Variants in DMD observed in about 807,000 individuals in gnomAD.
The protein encoded by DMD is mutant dystrophin.
DMD carries 63 observed loss-of-function variants against 330.1 expected under a neutral mutation model. The observed-to-expected ratio is 0.19, with a 90% CI of 0.16 to 0.24. DMD has a LOEUF of 0.24. DMD is among the 10% of genes least tolerant of loss of function. DMD has a pLI of 1.00. For synonymous variants in DMD, 1,223 were observed against 959.8 expected (o/e 1.27, Z -5.07); for missense variants, 3,344 against 2,684.1 (o/e 1.25, Z -5.43).
chrX:31,266,078 CTT>C (rs1190077918), intron 62 of DMD, among the ~76,000 whole-genome samples: 2 of 95,826 alleles, frequency 2.1e-5, no homozygotes, highest in African/African-American at 7.8e-5. Flanking sequence ...GAGTGACAAA[CTT>C]TGCTTGAAGA....
intron 66 of DMD, among the ~76,000 whole-genome samples, chrX:31,204,616 TTTGTTG>T (rs1237743086): frequency 9.0e-6 from 1 of 111,187 alleles, no homozygotes; most frequent in South Asian, 3.8e-4. Flanking sequence ...CTGTGCATAG[TTTGTTG>T]TTGTTGTTGT....
chrX:32,762,495 AATG>A (rs768064519), intron 7 of DMD, among the ~76,000 whole-genome samples: 2 of 111,457 alleles, frequency 1.8e-5, no homozygotes, highest in Admixed American at 9.5e-5. Flanking sequence ...AATTTCAGAT[AATG>A]ATGATGATTT....
rs369526059 is a variant in DMD at position 32,416,963 on chromosome X, C to T, written c.4072-5050G>A. Among the ~76,000 whole-genome samples the T allele has an allele frequency of 9.8e-5, 11 of 111,889 alleles. 1 individual carries two copies. In the East Asian group the frequency reaches 3.1e-3, roughly 32 times the overall value. On this transcript the variant is annotated intron_variant, in intron 29 of 78. Coordinates refer to ENST00000357033, the MANE Select transcript of DMD (RefSeq NM_004006.3). Reference sequence around the variant, plus strand: ...TTCTTTTTTACCTACTAACAGGTTGCAATTTGTTCAAGTGCCAAGTACTAA... The same window carrying T: ...TTCTTTTTTACCTACTAACAGGTTGTAATTTGTTCAAGTGCCAAGTACTAA...
At chrX:32,563,384 A>G (rs1001446852) in intron 16 of DMD, among the ~76,000 whole-genome samples, 10 of 107,747 alleles carry the variant, frequency 9.3e-5, no homozygotes, top group Non-Finnish European at 1.9e-4. Context: ...GAACCACAAA[A>G]AGCCCTCCAG....
At chrX:33,198,548 T>C (rs1203635179) in intron 1 of DMD, among the ~76,000 whole-genome samples, 1 of 111,173 alleles carries the variant, frequency 9.0e-6, no homozygotes. Context: ...TAAAATGCAA[T>C]CAAAATATCA....
chrX:31,659,651 A>G (rs1315190045), intron 53 of DMD, among the ~76,000 whole-genome samples: 96 of 82,950 alleles, frequency 1.2e-3, no homozygotes, highest in African/African-American at 3.7e-3. Flanking sequence ...AAAAAAAAAA[A>G]AAAAAAAAAA....
At chrX:32,612,166 C>T (rs1026018534) in intron 12 of DMD, among the ~76,000 whole-genome samples, 4 of 111,532 alleles carry the variant, frequency 3.6e-5, no homozygotes, top group Admixed American at 2.9e-4. Context: ...ACTGGGGAAT[C>T]TCTGAAAGAC....
intron 59 of DMD, among the ~76,000 whole-genome samples, chrX:31,461,755 T>TA (rs771265313): frequency 9.0e-6 from 1 of 111,588 alleles, no homozygotes; most frequent in African/African-American, 3.2e-5. Flanking sequence ...AAAACAGCAT[T>TA]AAAAAAAGCC....
At chrX:32,763,479 C>T (rs2072583711) in intron 7 of DMD, among the ~76,000 whole-genome samples, 1 of 111,663 alleles carries the variant, frequency 9.0e-6, no homozygotes, top group Non-Finnish European at 1.9e-5. Context: ...TTAGTGTATT[C>T]ATATGTGAGG....
intron 17 of DMD, among the ~76,000 whole-genome samples, chrX:32,531,019 T>A (rs1031908640): frequency 3.6e-5 from 4 of 111,994 alleles, no homozygotes; most frequent in Non-Finnish European, 7.5e-5. Context: ...CACATTCCCT[T>A]TCAGAGCTTG....
rs764008354 is a variant in DMD at position 32,565,787 on chromosome X, A to G, written c.1907T>C (p.Val636Ala). The G allele has an allele frequency of 5.0e-6, 6 of 1,209,637 alleles. No individual in the cohort carries two copies. Among genetic ancestry groups the G allele is most frequent in the Non-Finnish European group, 6.7e-6 (6 of 894,887 alleles). Residue 636 changes from valine to alanine, a missense_variant, in exon 16 of 79, where the codon GTG becomes GCG. Transcript: ENST00000357033. Reference protein sequence around the residue: ...DLLSTLKNKSVTQKTEAWLDN... With the variant: ...DLLSTLKNKSATQKTEAWLDN... ...CAGCCATGCTTCCGTCTTCTGGGTC[A>G]CTGACTTATTCTTCAGTGTTGAAAG...
intron 49 of DMD, among the ~76,000 whole-genome samples, chrX:31,833,355 GGGAA>G (rs2093114469): frequency 3.7e-5 from 3 of 80,558 alleles, no homozygotes; most frequent in African/African-American, 1.4e-4. Flanking sequence ...GAGGGAGGGA[GGGAA>G]AGAGAGAGAG....
intron 54 of DMD, among the ~76,000 whole-genome samples, chrX:31,631,391 A>C (rs2079126420): frequency 9.0e-6 from 1 of 111,277 alleles, no homozygotes; most frequent in Non-Finnish European, 1.9e-5. Context: ...CCTAGCCCAA[A>C]GTTACCCACT....
intron 44 of DMD, among the ~76,000 whole-genome samples, chrX:32,079,581 C>A (rs1483430038): frequency 1.9e-5 from 2 of 103,034 alleles, no homozygotes; most frequent in African/African-American, 7.2e-5. Flanking sequence ...GGCAACAGAG[C>A]AAGACTCCGA....
At chrX:32,696,477 G>A (rs1008537704) in intron 9 of DMD, among the ~76,000 whole-genome samples, 1 of 111,864 alleles carries the variant, frequency 8.9e-6, no homozygotes, top group African/African-American at 3.2e-5. Context: ...TGAATTATCT[G>A]TGATTTATGA....
intron 50 of DMD, among the ~76,000 whole-genome samples, chrX:31,793,777 C>T (rs927513447): frequency 1.8e-5 from 2 of 112,022 alleles, no homozygotes; most frequent in Admixed American, 9.4e-5. Context: ...TATCCTAAGC[C>T]GAACCATTGT....
rs200131382 is a variant in DMD, at chrX:32,971,455, G to GA, written c.93+48683dup. 4.5e-5 allele frequency among the ~76,000 whole-genome samples: 5 copies of GA among 110,814 alleles called. No homozygotes were observed. The South Asian group carries it at 1.1e-3, about 25-fold the overall frequency. On this transcript the variant is annotated intron_variant, in intron 2 of 78. Transcript: ENST00000357033. The stretch of plus-strand genomic sequence containing the variant: ...GTCACTTTGGGCCGAAAATTTCAGG[G>GA]AAAAAAACCCTTATGGAGTAAAAAT...
intron 42 of DMD, among the ~76,000 whole-genome samples, chrX:32,299,331 T>C (rs2097511608): frequency 9.0e-6 from 1 of 111,065 alleles, no homozygotes; most frequent in Admixed American, 9.6e-5. Flanking sequence ...TTGGACACTT[T>C]CAAGCCCATC....
chrX:33,322,463 A>G (rs2054029905), intron 1 of DMD, among the ~76,000 whole-genome samples: 1 of 111,288 alleles, frequency 9.0e-6, no homozygotes, highest in East Asian at 2.8e-4. Context: ...TCATATGGGC[A>G]TGACTCATGT....
Sources: allele counts gnomAD v4.1 joint callset (sites outside exome capture counted in the v4.1 genomes callset), GRCh38; gene constraint gnomAD v4.1.1; transcripts MANE v1.5; gene names NCBI Gene and HGNC (gene_info 2026-07-23, HGNC 2026-07-21).